The following HAAO variants were observed in gnomAD, a reference collection of about 807,000 sequenced individuals.
HAAO encodes the protein 3-hydroxyanthranilate oxygenase.
In HAAO, 49 loss-of-function variants were observed where a neutral mutation model predicts 46.2. The ratio of observed to expected loss-of-function variants is 1.06; its 90% confidence interval spans 0.84 to 1.34. The LOEUF (loss-of-function observed/expected upper bound fraction) is 1.34, where lower values mean the gene tolerates loss of function less well. Ranked by LOEUF, HAAO falls within the 40% of genes most tolerant of loss-of-function variation. The pLI is 0.00. For synonymous variants in HAAO, 157 were observed against 145.2 expected (o/e 1.08, Z -0.58); for missense variants, 408 against 364.5 (o/e 1.12, Z -0.97).
intron 5 of HAAO, 90 bp from the exon 6 acceptor site, chr2:42,770,276 TG>T: frequency 3.5e-6 from 4 of 1,129,274 alleles, no homozygotes; most frequent in Non-Finnish European, 5.2e-6. Context: ...CACGGTCAGG[TG>T]CAGGTGCCCA....
At chr2:42,779,978 A>C (rs1022635496) in intron 4 of HAAO, among the ~76,000 whole-genome samples, 5 of 152,246 alleles carry the variant, frequency 3.3e-5, no homozygotes, top group African/African-American at 1.2e-4. Context: ...ATGTATTCCA[A>C]AATTATGGGA....
chr2:42,775,281 G>C (rs542023483), intron 4 of HAAO, among the ~76,000 whole-genome samples: 1 of 150,476 alleles, frequency 6.6e-6, no homozygotes, highest in Non-Finnish European at 1.5e-5. Flanking sequence ...GTTGTCTGGT[G>C]GGGGGAGAAA....
chr2:42,781,009 G>A (rs1364442420), intron 4 of HAAO, among the ~76,000 whole-genome samples: 6 of 151,886 alleles, frequency 4.0e-5, no homozygotes, highest in Non-Finnish European at 7.4e-5. Flanking sequence ...CCTGGGAGGC[G>A]GAGCTTGCAG....
intron 1 of HAAO, among the ~76,000 whole-genome samples, chr2:42,792,224 G>C (rs920392): frequency 0.8 from 121,222 of 152,128 alleles, 48,639 homozygotes; most frequent in Middle Eastern, 0.93. Flanking sequence ...CCTACAGCCT[G>C]AGAACCAGCT....
intron 7 of HAAO, among the ~76,000 whole-genome samples, chr2:42,768,734 G>C (rs1670857980): frequency 6.6e-6 from 1 of 152,188 alleles, no homozygotes; most frequent in Non-Finnish European, 1.5e-5. Context: ...ACTCTGGCCT[G>C]TCACTCCCCT....
chr2:42,767,346 G>T lies in HAAO; in HGVS notation c.*91C>A. 1.2e-6 allele frequency: 1 copy of T among 842,614 alleles called. No homozygotes were observed. The highest frequency in any genetic ancestry group is 2.6e-5 in the East Asian group (1 of 39,072). The allele number at this position is 842,614 out of a possible 1,614,324, so 52.2% of individuals were successfully genotyped here. On this transcript the variant is annotated 3_prime_UTR_variant, in exon 10 of 10. Coordinates refer to ENST00000294973, the MANE Select transcript of HAAO (RefSeq NM_012205.3). ...GGGGGACACAGCGGCAGTACACAGAGAGGTAGTGGGGGCTGGGAGAGTTGT... is the reference window on the plus strand; with the variant it reads ...GGGGGACACAGCGGCAGTACACAGATAGGTAGTGGGGGCTGGGAGAGTTGT...
In HAAO at chr2:42,783,844, G is replaced by A; in HGVS notation, c.183C>T (p.Asp61=). 1 of 1,612,146 alleles carries A rather than the reference G, an allele frequency of 6.2e-7. No individual in the cohort carries two copies. Among genetic ancestry groups the A allele is most frequent in the South Asian group, 1.1e-5 (1 of 90,516 alleles). ...CTTGCTCCAGGACTCGGAGAACCAT[G>A]TCTCCCTCCAGCTGGTAAAATACCT... ...GEEVFYQLEG[D]MVLRVLEQGK... The change falls in exon 3 of 10, where the codon GAC becomes GAT. Residue 61 remains aspartate, a synonymous_variant. Coordinates refer to ENST00000294973, the MANE Select transcript of HAAO (RefSeq NM_012205.3).
At chr2:42,772,198 C>G (rs868782703) in intron 4 of HAAO, among the ~76,000 whole-genome samples, 1 of 151,984 alleles carries the variant, frequency 6.6e-6, no homozygotes, top group Non-Finnish European at 1.5e-5. Flanking sequence ...AAGAAATACT[C>G]GGCCGAATGT....
chr2:42,769,826 T>A lies in HAAO; in HGVS notation c.517A>T (p.Ser173Cys). Residue 173 changes from serine to cysteine, a missense_variant, in exon 7 of 10, where the codon AGC becomes TGC. Ser to Cys is a moderately radical substitution (Grantham distance 112, BLOSUM62 -1). Coordinates refer to ENST00000294973, the MANE Select transcript of HAAO (RefSeq NM_012205.3). ...QLLKEPPFPLSTRSIMEPMSL... is the reference protein window; with the variant it reads ...QLLKEPPFPLCTRSIMEPMSL... ...ATGGGCTCCATGATGGATCGTGTGCTCAGAGGGAATGGTGGCTCCTTGAGC... is the reference window on the plus strand; with the variant it reads ...ATGGGCTCCATGATGGATCGTGTGCACAGAGGGAATGGTGGCTCCTTGAGC... 6.2e-7 allele frequency: 1 copy of A among 1,613,538 alleles called. No homozygotes were observed. The highest frequency in any genetic ancestry group is 8.5e-7 in the Non-Finnish European group (1 of 1,179,778).
At chr2:42,778,521 A>C (rs55775428) in intron 4 of HAAO, among the ~76,000 whole-genome samples, 55,059 of 151,882 alleles carry the variant, frequency 0.36, 10,835 homozygotes, top group African/African-American at 0.48. Context: ...AGTAGAGATG[A>C]GGTTTCACCA....
At chr2:42,792,393 G>T in intron 1 of HAAO, 64 bp downstream of exon 1, 1 of 871,472 alleles carries the variant, frequency 1.1e-6, no homozygotes, top group Non-Finnish European at 1.8e-6. Context: ...TGGAAGGTGA[G>T]GGCGCAGATG....
In HAAO at chr2:42,767,238, A is replaced by T. The variant is rs564071484; in HGVS notation, c.*199T>A. 3 of 614,814 alleles carry T rather than the reference A, an allele frequency of 4.9e-6. No homozygotes were observed. Among genetic ancestry groups the T allele is most frequent in the Non-Finnish European group, 8.8e-6 (3 of 341,200 alleles). 38.1% of individuals were successfully genotyped at this position (614,814 alleles called of 1,614,324 possible). On this transcript the variant is annotated 3_prime_UTR_variant, in exon 10 of 10. Transcript: ENST00000294973. ...CAGTGGGCTGAGTCTGCCAGAGAAG[A>T]TGGGGAGCTGCTGCCCGCCCAGGGG...
rs375840310 is a variant in HAAO, at chr2:42,780,826, GGGAGGCCAAGGCGGGT to G, written c.350+2472_350+2487del. On this transcript the variant is annotated intron_variant, in intron 4 of 9. Coordinates refer to ENST00000294973, the MANE Select transcript of HAAO (RefSeq NM_012205.3). ...CTCATGCCTATAATCCCAGCACTTTGGGAGGCCAAGGCGGGTGGATTACGAGGTCAGGAGAGCGAGA... is the reference window on the plus strand; with the variant it reads ...CTCATGCCTATAATCCCAGCACTTTGGGATTACGAGGTCAGGAGAGCGAGA... Among the ~76,000 whole-genome samples the G allele has an allele frequency of 1.7e-4, 25 of 151,022 alleles. No individual in the cohort carries two copies. The South Asian group carries it at 5.0e-3, about 30-fold the overall frequency.
intron 4 of HAAO, among the ~76,000 whole-genome samples, chr2:42,781,613 C>G (rs937826994): frequency 4.6e-5 from 7 of 152,208 alleles, no homozygotes; most frequent in Non-Finnish European, 8.8e-5. Context: ...TGGCTCATGC[C>G]TGTAATCCTA....
In HAAO at chr2:42,788,524, C is replaced by T; in HGVS notation, c.159+5G>A. On this transcript the variant is annotated splice_donor_5th_base_variant and intron_variant, in intron 2 of 9. Transcript: ENST00000294973. ...CCTAGATCCAGGGAGACCAGTCAAA[C>T]CTACCTCTTCACCCTCTTCGATGTG... 2.5e-6 allele frequency: 4 copies of T among 1,589,016 alleles called. No individual in the cohort carries two copies. Among genetic ancestry groups the T allele is most frequent in the Non-Finnish European group, 3.5e-6 (4 of 1,157,468 alleles).
intron 2 of HAAO, 101 bp from the exon 3 acceptor site, chr2:42,783,968 T>C: frequency 6.5e-7 from 1 of 1,532,276 alleles, no homozygotes; most frequent in Admixed American, 2.0e-5. Flanking sequence ...TGAGAAACTT[T>C]CTGAAGGCCT....
intron 4 of HAAO, among the ~76,000 whole-genome samples, chr2:42,782,504 C>T (rs192584003): frequency 1.3e-5 from 2 of 152,212 alleles, no homozygotes; most frequent in East Asian, 3.9e-4. Flanking sequence ...AACCTGGGAC[C>T]AGAGACTCAA....
intron 2 of HAAO, 147 bp from the exon 3 acceptor site, chr2:42,784,014 A>G (rs1031579037): frequency 7.0e-7 from 1 of 1,435,514 alleles, no homozygotes. Flanking sequence ...TTCTGTCCTG[A>G]GGCCTGTCTC....
At chr2:42,774,128 C>T (rs771791788) in intron 4 of HAAO, among the ~76,000 whole-genome samples, 10 of 152,176 alleles carry the variant, frequency 6.6e-5, no homozygotes, top group Non-Finnish European at 1.5e-4. Context: ...GTCTCTTGTC[C>T]CCCTAAAATG....
Sources: allele counts gnomAD v4.1 joint callset (sites outside exome capture counted in the v4.1 genomes callset), GRCh38; gene constraint gnomAD v4.1.1; transcripts MANE v1.5; gene names NCBI Gene and HGNC (gene_info 2026-07-23, HGNC 2026-07-21).